Variants in REV3L observed in about 807,000 individuals in gnomAD.
REV3L encodes REV3 like, DNA directed polymerase zeta catalytic subunit.
A neutral mutation model predicts 299.4 loss-of-function variants in REV3L; 69 were observed. The ratio of observed to expected loss-of-function variants is 0.23; its 90% CI spans 0.19 to 0.28. The LOEUF (loss-of-function observed/expected upper bound fraction) is 0.28, where lower values mean the gene tolerates loss of function less well. REV3L is among the 10% of genes least tolerant of loss of function. The pLI, the probability that REV3L is intolerant of heterozygous loss-of-function variation, is 1.00. For synonymous variants in REV3L, 1,238 were observed against 1,271.4 expected (o/e 0.97, Z 0.56); for missense variants, 3,128 against 3,693.8 (o/e 0.85, Z 3.97).
chr6:111,315,825 G>A (rs144542763), intron 26 of REV3L, among the ~76,000 whole-genome samples: 4 of 152,310 alleles, frequency 2.6e-5, no homozygotes, highest in African/African-American at 4.8e-5. Flanking sequence ...GATCTAGGTT[G>A]TGTGCACCTT....
chr6:111,340,525 G>C (rs1351835720), intron 21 of REV3L, among the ~76,000 whole-genome samples: 1 of 152,056 alleles, frequency 6.6e-6, no homozygotes, highest in East Asian at 1.9e-4. Context: ...GGGTACCTTT[G>C]TGTTTTACAG....
intron 1 of REV3L, among the ~76,000 whole-genome samples, chr6:111,477,139 A>G (rs1023085437): frequency 2.0e-5 from 3 of 152,214 alleles, no homozygotes; most frequent in Non-Finnish European, 4.4e-5. Context: ...TTTTAAACAC[A>G]TCCTCCCAAA....
intron 1 of REV3L, among the ~76,000 whole-genome samples, chr6:111,481,450 C>T (rs923371779): frequency 6.6e-6 from 1 of 152,196 alleles, no homozygotes; most frequent in Non-Finnish European, 1.5e-5. Context: ...ATATCAAAAT[C>T]ATATTCACTA....
intron 1 of REV3L, among the ~76,000 whole-genome samples, chr6:111,474,748 T>C (rs932900468): frequency 6.6e-6 from 1 of 152,250 alleles, no homozygotes; most frequent in South Asian, 2.1e-4. Context: ...ACAACTATTA[T>C]GGTCTCTTAT....
upstream of REV3L, chr6:111,483,470 A>C: frequency 2.0e-6 from 1 of 492,966 alleles, no homozygotes; most frequent in South Asian, 1.9e-5. Context: ...GGTGAGGGGC[A>C]GCGGAAGGGG....
At chr6:111,376,966 C>A (rs1780376891) in intron 12 of REV3L, among the ~76,000 whole-genome samples, 1 of 152,062 alleles carries the variant, frequency 6.6e-6, no homozygotes, top group Non-Finnish European at 1.5e-5. Flanking sequence ...AACAAATATT[C>A]CATTGATCAG....
chr6:111,363,171 G>A (rs993197835), intron 16 of REV3L, among the ~76,000 whole-genome samples: 3 of 152,202 alleles, frequency 2.0e-5, no homozygotes, highest in Non-Finnish European at 4.4e-5. Flanking sequence ...ATGAGTGAAT[G>A]AATTTATCCT....
At chr6:111,353,968 G>C (rs958613145) in intron 18 of REV3L, 1 of 152,148 alleles carries the variant, frequency 6.6e-6, no homozygotes, top group Non-Finnish European at 1.5e-5. Flanking sequence ...GGATCATCAG[G>C]GGTCGCAGAC....
chr6:111,300,253 A>AGAT, intron 31 of REV3L, 97 bp from the exon 32 acceptor site: 2 of 923,088 alleles, frequency 2.2e-6, no homozygotes, highest in Non-Finnish European at 3.1e-6. Flanking sequence ...AGACTACCAC[A>AGAT]GATTACTGGC....
intron 1 of REV3L, among the ~76,000 whole-genome samples, chr6:111,468,555 T>A (rs539715674): frequency 5.9e-5 from 9 of 152,122 alleles, no homozygotes; most frequent in Non-Finnish European, 1.0e-4. Flanking sequence ...ATAAAAGGAA[T>A]GCAAATTAAA....
In REV3L at chr6:111,389,822, C is replaced by T. The variant is rs570249219; in HGVS notation, c.757+264G>A. ...TGCGATCTTGGCCCACTGCAACCTC[C>T]GCCACCCAGGCTCAAGTGATTCCCC... On this transcript the variant is annotated intron_variant, in intron 6 of 31. Coordinates refer to ENST00000368802, the MANE Select transcript of REV3L (RefSeq NM_001372078.1). 4.7e-5 allele frequency among the ~76,000 whole-genome samples: 7 copies of T among 149,742 alleles called. No individual in the cohort carries two copies. The East Asian group carries it at 5.9e-4, about 13-fold the overall frequency.
At chr6:111,434,759 CAAAGA>C (rs1163833853) in intron 1 of REV3L, among the ~76,000 whole-genome samples, 1 of 150,678 alleles carries the variant, frequency 6.6e-6, no homozygotes, top group African/African-American at 2.4e-5. Context: ...ACAATAACTA[CAAAGA>C]ATAGAAAATA....
At chr6:111,453,792 T>C (rs1789837787) in intron 1 of REV3L, among the ~76,000 whole-genome samples, 1 of 152,126 alleles carries the variant, frequency 6.6e-6, no homozygotes, top group African/African-American at 2.4e-5. Context: ...GAGACCAGCC[T>C]GGCCAGCATG....
intron 1 of REV3L, among the ~76,000 whole-genome samples, chr6:111,445,773 C>T (rs1788765856): frequency 6.6e-6 from 1 of 152,144 alleles, no homozygotes. Flanking sequence ...GTGTTATTTA[C>T]ACCAGTCTTT....
intron 4 of REV3L, among the ~76,000 whole-genome samples, chr6:111,393,624 T>C (rs1278475171): frequency 6.6e-6 from 1 of 152,190 alleles, no homozygotes; most frequent in Non-Finnish European, 1.5e-5. Flanking sequence ...CTATATCCAT[T>C]AACCAGCCTG....
At chr6:111,473,713 A>AG (rs2128339496) in intron 1 of REV3L, among the ~76,000 whole-genome samples, 1 of 152,032 alleles carries the variant, frequency 6.6e-6, no homozygotes, top group South Asian at 2.1e-4. Context: ...AATTCCTCTG[A>AG]GGTTCTGTAT....
In REV3L at chr6:111,367,454, T is replaced by TATCATC. The variant is rs762533121; in HGVS notation, c.6328_6333dup (p.Asp2110_Asp2111dup). The TATCATC allele has an allele frequency of 6.2e-7, 1 of 1,610,348 alleles. No homozygotes were observed. On this transcript the variant is annotated inframe_insertion, in exon 14 of 32. Coordinates refer to ENST00000368802, the MANE Select transcript of REV3L (RefSeq NM_001372078.1). ...GGGGAGCTATAACTAATGTAATAGT[T>TATCATC]ATCATCATCATCTTCATCTTTTTCG...
In REV3L at chr6:111,373,091, G is replaced by C. The variant is rs1413947941; in HGVS notation, c.5264C>G (p.Ser1755Cys). 1 of 1,614,098 alleles carries C rather than the reference G, an allele frequency of 6.2e-7. No individual in the cohort carries two copies. The highest frequency in any genetic ancestry group is 8.5e-7 in the Non-Finnish European group (1 of 1,180,012). Residue 1755 changes from serine to cysteine, a missense_variant, in exon 13 of 32, where the codon TCT becomes TGT. Around this residue, in one of 9 missense-constraint regions of REV3L, gnomAD observed 2,409 missense variants for 2,611.8 expected, o/e 0.92. Transcript: ENST00000368802. ...ACAGAAAGAATCCATTATTGAGTTA[G>C]ACCGAGTTGTTAGAGGATGAAAGCT... ...KNSFHPLTTR[S>C]NSIMDSFCVQ...
At chr6:111,425,199 C>T (rs929068138) in intron 1 of REV3L, among the ~76,000 whole-genome samples, 1 of 152,214 alleles carries the variant, frequency 6.6e-6, no homozygotes. Context: ...TGGCTCATGC[C>T]TGTAATCCCA....
Sources: allele counts gnomAD v4.1 joint callset (sites outside exome capture counted in the v4.1 genomes callset), GRCh38; gene constraint gnomAD v4.1.1; regional missense constraint gnomAD v4.1.1; transcripts MANE v1.5; gene names NCBI Gene and HGNC (gene_info 2026-07-23, HGNC 2026-07-21).